The following ZNF618 variants were observed in gnomAD, a reference collection of about 807,000 sequenced individuals.
ZNF618 encodes neural precursor cell expressed, developmentally down-regulated 10.
ZNF618 carries 34 observed loss-of-function variants against 103.0 expected under a neutral mutation model. The observed-to-expected ratio is 0.33, with a 90% confidence interval of 0.25 to 0.44. ZNF618 has a LOEUF of 0.44. ZNF618 is among the 20% of genes least tolerant of loss of function. ZNF618 has a pLI of 1.00. For synonymous variants in ZNF618, 551 were observed against 542.2 expected (o/e 1.02, Z -0.23); for missense variants, 1,059 against 1,295.4 (o/e 0.82, Z 2.80).
At chr9:114,020,818 C>A (rs1197276838) in intron 10 of ZNF618, among the ~76,000 whole-genome samples, 1 of 151,680 alleles carries the variant, frequency 6.6e-6, no homozygotes, top group African/African-American at 2.4e-5. Context: ...CTGGTTAGGT[C>A]CCTCCAGTAC....
At chr9:113,895,222 G>T (rs1454861278) in intron 1 of ZNF618, among the ~76,000 whole-genome samples, 1 of 152,062 alleles carries the variant, frequency 6.6e-6, no homozygotes, top group East Asian at 1.9e-4. Flanking sequence ...TGCAATGGAG[G>T]TTGAATCATT....
intron 5 of ZNF618, 55 bp downstream of exon 5, chr9:114,002,128 C>T: frequency 6.5e-7 from 1 of 1,536,112 alleles, no homozygotes; most frequent in Non-Finnish European, 9.0e-7. Context: ...CACTGTCTGC[C>T]TGTTTCCCAC....
chr9:114,043,743 T>C (rs770884928), intron 13 of ZNF618, among the ~76,000 whole-genome samples: 1 of 152,220 alleles, frequency 6.6e-6, no homozygotes, highest in Non-Finnish European at 1.5e-5. Context: ...ATGGCCATTC[T>C]TGCAGGAGTA....
chr9:113,902,989 T>C (rs1044364716), intron 1 of ZNF618, among the ~76,000 whole-genome samples: 1 of 152,200 alleles, frequency 6.6e-6, no homozygotes, highest in Non-Finnish European at 1.5e-5. Flanking sequence ...TTTTATGATG[T>C]GTACCCAGGT....
At chr9:113,940,793 G>C (rs552201195) in intron 1 of ZNF618, among the ~76,000 whole-genome samples, 3 of 152,224 alleles carry the variant, frequency 2.0e-5, no homozygotes, top group East Asian at 3.9e-4. Context: ...TGGCATCTCT[G>C]TAATCCCCTT....
At position 114,048,336 on chromosome 9, in the gene ZNF618, G is replaced by C. The variant is rs78384330; in HGVS notation, c.1349-315G>C. The stretch of plus-strand genomic sequence containing the variant: ...ATTTCCTGAAGATTCCCATATTAGA[G>C]GAGATTCCTGTATTGAGGAAGAAAT... On this transcript the variant is annotated intron_variant, in intron 14 of 14. Coordinates refer to ENST00000374126, the MANE Select transcript of ZNF618 (RefSeq NM_001318042.2). 8.9e-3 allele frequency among the ~76,000 whole-genome samples: 1,348 copies of C among 152,264 alleles called. 22 individuals are homozygous for C. The highest frequency in any genetic ancestry group is 0.031 in the African/African-American group (1,293 of 41,554).
chr9:113,951,440 T>TATATACACATAC lies in ZNF618; in HGVS notation c.34-17676_34-17675insTATACACATACA, dbSNP rs1554732871. On this transcript the variant is annotated intron_variant, in intron 1 of 14. Transcript: ENST00000374126. ...ACATATATGTGTGTGTGTATATATA[T>TATATACACATAC]ACATATATGTGTATATATACATATA... Among the ~76,000 whole-genome samples, 9 of 29,484 alleles carry TATATACACATAC rather than the reference T, an allele frequency of 3.1e-4. 2 individuals carry two copies. The highest frequency in any genetic ancestry group is 8.4e-4 in the Admixed American group (2 of 2,386). 19.3% of individuals were successfully genotyped at this position (29,484 alleles called of 152,430 possible).
At chr9:113,879,075 C>T (rs13286376) in intron 1 of ZNF618, among the ~76,000 whole-genome samples, 5,049 of 148,796 alleles carry the variant, frequency 0.034, 123 homozygotes, top group Middle Eastern at 0.052. Flanking sequence ...ATGAGTAGGA[C>T]GGTCAAGGAA....
intron 1 of ZNF618, among the ~76,000 whole-genome samples, chr9:113,966,855 A>C (rs1027582635): frequency 6.6e-6 from 1 of 152,220 alleles, no homozygotes; most frequent in Admixed American, 6.5e-5. Context: ...AGTATTTGAC[A>C]ATTCTTTGAA....
At chr9:114,005,150 A>C (rs1841620819) in intron 6 of ZNF618, among the ~76,000 whole-genome samples, 1 of 152,200 alleles carries the variant, frequency 6.6e-6, no homozygotes, top group Non-Finnish European at 1.5e-5. Flanking sequence ...GAGGTTAGGC[A>C]GCATGTCTGA....
At chr9:113,977,343 A>G (rs866982613) in intron 2 of ZNF618, among the ~76,000 whole-genome samples, 4 of 152,206 alleles carry the variant, frequency 2.6e-5, no homozygotes, top group Admixed American at 2.6e-4. Context: ...AATTAGAAAA[A>G]GGAGTAGTTG....
At chr9:113,926,900 C>G (rs1833149648) in intron 1 of ZNF618, among the ~76,000 whole-genome samples, 1 of 152,186 alleles carries the variant, frequency 6.6e-6, no homozygotes, top group South Asian at 2.1e-4. Flanking sequence ...ATAGTCTCAG[C>G]TACTCAGGAG....
At chr9:114,046,796 C>A (rs1334256745) in intron 13 of ZNF618, among the ~76,000 whole-genome samples, 1 of 152,126 alleles carries the variant, frequency 6.6e-6, no homozygotes, top group Non-Finnish European at 1.5e-5. Flanking sequence ...ATTGAGATGA[C>A]CATGTGATTT....
In ZNF618 at chr9:114,036,377, G is replaced by C; in HGVS notation, c.1246G>C (p.Ala416Pro). The C allele has an allele frequency of 6.3e-7, 1 of 1,575,130 alleles. No homozygotes were observed. The highest frequency in any genetic ancestry group is 1.2e-5 in the South Asian group (1 of 85,478). Residue 416 changes from alanine to proline, a missense_variant and splice_region_variant, in exon 13 of 15, where the codon GCT (alanine) becomes CCT (proline). Ala to Pro is a conservative substitution (Grantham distance 27, BLOSUM62 -1). This residue lies in a region of ZNF618 where 434 missense variants were observed against 476.0 expected (regional missense o/e 0.91). Coordinates refer to ENST00000374126, the MANE Select transcript of ZNF618 (RefSeq NM_001318042.2). Reference sequence around the variant, plus strand: ...GTTGGAGCACATGCAGTCCCATGCAGGTAAGTAGGATACGGCTTCTCTCCC... The same window carrying C: ...GTTGGAGCACATGCAGTCCCATGCACGTAAGTAGGATACGGCTTCTCTCCC... ...NLLEHMQSHA[A>P]DNENNIASNQ... is the part of the protein sequence containing the mutation.
At chr9:114,006,374 T>C (rs1841758446) in intron 6 of ZNF618, among the ~76,000 whole-genome samples, 2 of 152,206 alleles carry the variant, frequency 1.3e-5, no homozygotes, top group Non-Finnish European at 2.9e-5. Flanking sequence ...GCCTTGAGCA[T>C]ATCACCAAGC....
intron 1 of ZNF618, among the ~76,000 whole-genome samples, chr9:113,949,113 G>A (rs1320596178): frequency 6.6e-6 from 1 of 152,234 alleles, no homozygotes; most frequent in South Asian, 2.1e-4. Flanking sequence ...ACGGAAGAGT[G>A]AGGCTGGTGC....
chr9:113,978,561 G>A (rs1433864187), intron 2 of ZNF618, among the ~76,000 whole-genome samples: 1 of 152,112 alleles, frequency 6.6e-6, no homozygotes, highest in Non-Finnish European at 1.5e-5. Flanking sequence ...GTATGCTCAG[G>A]AAACAGCAAA....
At chr9:113,953,888 TAGCAGCC>T (rs1240433768) in intron 1 of ZNF618, among the ~76,000 whole-genome samples, 1 of 152,092 alleles carries the variant, frequency 6.6e-6, no homozygotes, top group Non-Finnish European at 1.5e-5. Context: ...TGACTGAGTA[TAGCAGCC>T]AGTTGATCAA....
At chr9:113,930,224 G>A (rs1429519036) in intron 1 of ZNF618, among the ~76,000 whole-genome samples, 1 of 152,158 alleles carries the variant, frequency 6.6e-6, no homozygotes, top group African/African-American at 2.4e-5. Flanking sequence ...TGTATGTCAA[G>A]GTTACCTTTT....
Sources: allele counts gnomAD v4.1 joint callset (sites outside exome capture counted in the v4.1 genomes callset), GRCh38; gene constraint gnomAD v4.1.1; regional missense constraint gnomAD v4.1.1; transcripts MANE v1.5; gene names NCBI Gene and HGNC (gene_info 2026-07-23, HGNC 2026-07-21).